HERC3: variants seen among roughly 807,000 people sequenced by gnomAD.
The protein encoded by HERC3 is HECT and RLD domain containing E3 ubiquitin protein ligase 3.
Under a neutral mutation model 129.9 loss-of-function variants are expected in HERC3, and 58 were observed. The ratio of observed to expected loss-of-function variants is 0.45; its 90% CI spans 0.36 to 0.56. The LOEUF (loss-of-function observed/expected upper bound fraction) is 0.56. Ranked by LOEUF, HERC3 falls within the 20% of genes least tolerant of loss-of-function variation. HERC3 has a pLI of 0.00. For synonymous variants in HERC3, 430 were observed against 451.0 expected (o/e 0.95, Z 0.59); for missense variants, 835 against 1,244.2 (o/e 0.67, Z 4.95).
the HERC3 span, among the ~76,000 whole-genome samples, chr4:88,529,559 G>A: frequency 2.0e-5 from 3 of 152,152 alleles, no homozygotes; most frequent in Non-Finnish European, 4.4e-5. Context: ...TTCAAGACCA[G>A]CCTGGCCAAG....
chr4:88,525,971 G>A, the HERC3 span, among the ~76,000 whole-genome samples: 1 of 152,188 alleles, frequency 6.6e-6, no homozygotes, highest in African/African-American at 2.4e-5. Context: ...ATACAATATA[G>A]CTGTGTGATC....
chr4:88,550,872 T>C, the HERC3 span, among the ~76,000 whole-genome samples: 1 of 151,930 alleles, frequency 6.6e-6, no homozygotes, highest in South Asian at 2.1e-4. Context: ...TCACGTTACC[T>C]GACTTCAAAC....
Position 88,678,139 on chromosome 4 carries a change from G to A in HERC3, c.2196+5G>A, listed in dbSNP as rs1732365570. The A allele has an allele frequency of 6.2e-7, 1 of 1,612,626 alleles. No individual in the cohort carries two copies. On this transcript the variant is annotated splice_donor_5th_base_variant and intron_variant, in intron 19 of 25. Transcript: ENST00000402738. ...GATTTGAAAAAGCCTCTCAAAGTGA[G>A]TTCCTTCAGGATATTCCTCTAAATA...
chr4:88,561,056 TG>T, the HERC3 span, among the ~76,000 whole-genome samples: 2 of 152,232 alleles, frequency 1.3e-5, no homozygotes, highest in Non-Finnish European at 2.9e-5. Context: ...ACAATTGTTA[TG>T]GCTATTTGGG....
the HERC3 span, among the ~76,000 whole-genome samples, chr4:88,552,060 C>T: frequency 6.7e-6 from 1 of 149,516 alleles, no homozygotes; most frequent in South Asian, 2.1e-4. Context: ...CGCATGTTCT[C>T]ACTCATAGAT....
At chr4:88,581,135 C>A in the HERC3 span, among the ~76,000 whole-genome samples, 1 of 152,034 alleles carries the variant, frequency 6.6e-6, no homozygotes, top group African/African-American at 2.4e-5. Flanking sequence ...TCTTTTGCTG[C>A]AGCTTGGTAC....
At chr4:88,659,726 T>C (rs1730293232) in intron 10 of HERC3, among the ~76,000 whole-genome samples, 1 of 152,222 alleles carries the variant, frequency 6.6e-6, no homozygotes, top group South Asian at 2.1e-4. Context: ...CCATAAGTAA[T>C]AGAGTTTTAA....
intron 23 of HERC3, among the ~76,000 whole-genome samples, chr4:88,691,250 AAT>A (rs1160950838): frequency 6.6e-6 from 1 of 152,232 alleles, no homozygotes; most frequent in Non-Finnish European, 1.5e-5. Flanking sequence ...GTACTCATTG[AAT>A]ACACTGTGAA....
intron 8 of HERC3, 116 bp downstream of exon 8, chr4:88,655,420 G>A (rs1729775621): frequency 4.2e-6 from 5 of 1,179,118 alleles, no homozygotes; most frequent in Non-Finnish European, 6.1e-6. Context: ...GATCTTAACT[G>A]CATGCACGCC....
chr4:88,539,769 T>C, the HERC3 span, among the ~76,000 whole-genome samples: 1 of 152,168 alleles, frequency 6.6e-6, no homozygotes, highest in Non-Finnish European at 1.5e-5. Context: ...GTTCTGCAGC[T>C]TCCGCTGGTG....
chr4:88,674,877 A>G (rs535383140), intron 16 of HERC3, among the ~76,000 whole-genome samples: 1 of 152,320 alleles, frequency 6.6e-6, no homozygotes, highest in African/African-American at 2.4e-5. Flanking sequence ...GAACCTAGTT[A>G]TAAAGGGTTA....
chr4:88,622,284 G>A (rs145804487), intron 3 of HERC3, among the ~76,000 whole-genome samples: 2 of 152,108 alleles, frequency 1.3e-5, no homozygotes, highest in Non-Finnish European at 2.9e-5. Context: ...CATTTTCCAG[G>A]TCCATCCATG....
At chr4:88,676,281 G>A (rs754514790) in intron 17 of HERC3, 40 bp downstream of exon 17, 1 of 1,569,324 alleles carries the variant, frequency 6.4e-7, no homozygotes, top group South Asian at 1.1e-5. Flanking sequence ...TATTTTTCCA[G>A]CTATACTTTC....
chr4:88,574,838 A>G, the HERC3 span, among the ~76,000 whole-genome samples: 5 of 152,208 alleles, frequency 3.3e-5, no homozygotes, highest in South Asian at 2.1e-4. Flanking sequence ...AGTTACTTCT[A>G]CCTTTTGGCT....
In HERC3 at chr4:88,669,981, T is replaced by C; in HGVS notation, c.1755T>C (p.Asn585=). The change falls in exon 15 of 26, where the codon AAT becomes AAC. Residue 585 remains asparagine (N), a synonymous_variant. Coordinates refer to ENST00000402738, the MANE Select transcript of HERC3 (RefSeq NM_014606.3). ...TCTTAATTCCCGTACTGTTTAACAA[T>C]TATATCACAGCAGCTCTCAAACTCT... ...KTFLIPVLFN[N]YITAALKLLE... 1 of 1,613,952 alleles carries C rather than the reference T, an allele frequency of 6.2e-7. No homozygotes were observed. Among genetic ancestry groups the C allele is most frequent in the Non-Finnish European group, 8.5e-7 (1 of 1,179,900 alleles).
intron 3 of HERC3, among the ~76,000 whole-genome samples, chr4:88,619,275 C>T (rs1230711280): frequency 2.0e-5 from 3 of 152,166 alleles, no homozygotes; most frequent in Admixed American, 6.5e-5. Flanking sequence ...AGTACTAGGA[C>T]ACTTTGACTT....
At chr4:88,668,138 A>G in intron 14 of HERC3, 57 bp downstream of exon 14, 1 of 1,354,400 alleles carries the variant, frequency 7.4e-7, no homozygotes, top group Non-Finnish European at 1.0e-6. Context: ...TGTTGGTGTG[A>G]CTCCTGGCTC....
At chr4:88,664,125 T>G in intron 11 of HERC3, 28 bp from the exon 12 acceptor site, 1 of 1,595,460 alleles carries the variant, frequency 6.3e-7, no homozygotes. Context: ...TATTAAAGGC[T>G]TCCCCCTCCC....
At chr4:88,583,281 C>G in the HERC3 span, among the ~76,000 whole-genome samples, 1 of 151,278 alleles carries the variant, frequency 6.6e-6, no homozygotes, top group Non-Finnish European at 1.5e-5. Flanking sequence ...ACTAAAAATA[C>G]AAAAATTAGC....
Sources: gnomAD v4.1 joint callset for allele counts (sites outside exome capture counted in the v4.1 genomes callset) on GRCh38, gnomAD v4.1.1 for gene constraint, MANE v1.5 for transcripts, NCBI Gene and HGNC (gene_info 2026-07-23, HGNC 2026-07-21) for gene names.